Variants in RHBDL2 observed in about 807,000 individuals in gnomAD.
RHBDL2 encodes rhomboid-related protein 2.
RHBDL2 carries 26 observed loss-of-function variants against 31.7 expected under a neutral mutation model. The observed-to-expected ratio is 0.82, with a 90% CI of 0.60 to 1.14. The LOEUF (loss-of-function observed/expected upper bound fraction) is 1.14. Among genes scored for constraint, RHBDL2 ranks in the 50% most tolerant of loss-of-function variants. The pLI, the probability that RHBDL2 is intolerant of heterozygous loss-of-function variation, is 0.00. For synonymous variants in RHBDL2, 123 were observed against 127.2 expected, an observed-to-expected ratio of 0.97 and a Z score of 0.22; for missense variants, 336 against 364.4, an observed-to-expected ratio of 0.92 and a Z score of 0.63.
At chr1:38,913,358 GT>G (rs1643183019) in intron 3 of RHBDL2, among the ~76,000 whole-genome samples, 1 of 152,016 alleles carries the variant, frequency 6.6e-6, no homozygotes, top group Non-Finnish European at 1.5e-5. Flanking sequence ...AAGTCCTTGT[GT>G]GCGGGAGCCA....
chr1:38,889,749 T>C (rs1047496897), intron 6 of RHBDL2, among the ~76,000 whole-genome samples: 3 of 152,232 alleles, frequency 2.0e-5, no homozygotes, highest in Non-Finnish European at 2.9e-5. Flanking sequence ...CTGCCCTATA[T>C]GTGTAGTGCT....
intron 4 of RHBDL2, among the ~76,000 whole-genome samples, chr1:38,908,513 CAA>C (rs35185971): frequency 0.02 from 1,359 of 66,946 alleles, 16 homozygotes; most frequent in African/African-American, 0.065. Context: ...ACTCCGTCTC[CAA>C]AAAAAAAAAA....
intron 1 of RHBDL2, among the ~76,000 whole-genome samples, chr1:38,940,886 C>T (rs1643552926): frequency 6.6e-6 from 1 of 152,060 alleles, no homozygotes. Context: ...GGTAGCAAGA[C>T]CCTGTCTCTT....
At chr1:38,905,756 A>AAG (rs1643056888) in intron 4 of RHBDL2, among the ~76,000 whole-genome samples, 1 of 149,898 alleles carries the variant, frequency 6.7e-6, no homozygotes, top group Non-Finnish European at 1.5e-5. Flanking sequence ...TCAAGAAAAA[A>AAG]AAAAAAAAAA....
rs551988010 is a variant in RHBDL2, at chr1:38,937,953, A to T, written c.-126+3729T>A. Among the ~76,000 whole-genome samples the T allele has an allele frequency of 9.2e-5, 14 of 152,210 alleles. 1 individual carries two copies. In the South Asian group the frequency reaches 2.9e-3, roughly 32 times the overall value. On this transcript the variant is annotated intron_variant, in intron 1 of 7. Transcript: ENST00000372990. ...CAGGCCTGAAAACCTTGGCGTCTTC[A>T]TATCCTAGGCCCCTACACATCAGCC...
intron 1 of RHBDL2, among the ~76,000 whole-genome samples, chr1:38,932,672 C>A (rs1643451136): frequency 6.6e-6 from 1 of 152,144 alleles, no homozygotes; most frequent in African/African-American, 2.4e-5. Flanking sequence ...GTTGCCGAAG[C>A]TGGTCTTGAA....
At chr1:38,914,287 T>C (rs796475573) in intron 3 of RHBDL2, among the ~76,000 whole-genome samples, 1 of 151,972 alleles carries the variant, frequency 6.6e-6, no homozygotes, top group Non-Finnish European at 1.5e-5. Context: ...TGTCACCTAC[T>C]CTAGAATGCA....
chr1:38,938,076 G>A lies in RHBDL2; in HGVS notation c.-126+3606C>T, dbSNP rs550083984. Among the ~76,000 whole-genome samples, 122 of 151,826 alleles carry A rather than the reference G, an allele frequency of 8.0e-4. 1 individual carries two copies. Among genetic ancestry groups the A allele is most frequent in the Admixed American group, 2.4e-3 (37 of 15,232 alleles). Reference sequence around the variant, plus strand: ...TCTGTTGCCCAGGCTGGAGTGCAGCGGCACAATCTTGACTCACTACAACCT... The same window carrying A: ...TCTGTTGCCCAGGCTGGAGTGCAGCAGCACAATCTTGACTCACTACAACCT... On this transcript the variant is annotated intron_variant, in intron 1 of 7. Coordinates refer to ENST00000372990, the MANE Select transcript of RHBDL2 (RefSeq NM_017821.5).
chr1:38,918,189 T>C (rs117902854), intron 2 of RHBDL2, among the ~76,000 whole-genome samples: 1 of 152,296 alleles, frequency 6.6e-6, no homozygotes, highest in East Asian at 1.9e-4. Context: ...ATTGATTCTG[T>C]TTTTCTGAAG....
intron 4 of RHBDL2, among the ~76,000 whole-genome samples, chr1:38,908,592 C>T (rs1050973295): frequency 6.6e-6 from 1 of 151,406 alleles, no homozygotes; most frequent in East Asian, 1.9e-4. Flanking sequence ...GTTCCCTTGT[C>T]CCCCTCGCAG....
intron 4 of RHBDL2, among the ~76,000 whole-genome samples, chr1:38,907,677 C>A (rs1643086384): frequency 6.6e-6 from 1 of 152,174 alleles, no homozygotes; most frequent in Admixed American, 6.6e-5. Flanking sequence ...AGGCTGCAGG[C>A]TGCAGTAAGC....
intron 4 of RHBDL2, among the ~76,000 whole-genome samples, chr1:38,906,340 C>T (rs1643067258): frequency 6.6e-6 from 1 of 151,848 alleles, no homozygotes; most frequent in Non-Finnish European, 1.5e-5. Flanking sequence ...AAACAAAAAC[C>T]CTACTACTAA....
intron 1 of RHBDL2, among the ~76,000 whole-genome samples, chr1:38,938,075 C>G (rs898541336): frequency 6.6e-6 from 1 of 151,604 alleles, no homozygotes; most frequent in Admixed American, 6.6e-5. Context: ...TGGAGTGCAG[C>G]GGCACAATCT....
At chr1:38,910,816 G>A (rs927580183) in intron 4 of RHBDL2, among the ~76,000 whole-genome samples, 5 of 147,804 alleles carry the variant, frequency 3.4e-5, no homozygotes, top group African/African-American at 5.0e-5. Flanking sequence ...CTGTTGCCCA[G>A]GCTAGAGTGT....
chr1:38,929,845 G>T (rs1339896069), intron 1 of RHBDL2, among the ~76,000 whole-genome samples: 3 of 152,236 alleles, frequency 2.0e-5, no homozygotes, highest in Non-Finnish European at 2.9e-5. Flanking sequence ...CAGCCTGAAA[G>T]GATGCTTTTT....
In RHBDL2 at chr1:38,911,303, G is replaced by A. The variant is rs1485107107; in HGVS notation, c.508+19C>T. 6.0e-6 allele frequency: 9 copies of A among 1,509,802 alleles called. No individual in the cohort carries two copies. In the African/African-American group the frequency reaches 1.1e-4, roughly 18 times the overall value. The allele number at this position is 1,509,802 out of a possible 1,614,324, so 93.5% of individuals were successfully genotyped here. A position where few individuals can be genotyped will look rare whatever the true frequency, so the allele number is the denominator to read the frequency against. On this transcript the variant is annotated intron_variant, in intron 4 of 7. Transcript: ENST00000372990. Reference sequence around the variant, plus strand: ...AAGAGCCCAGAGGTATTGATTCTGTGTTACCTCAGAACACTGACCTGCAAT... The same window carrying A: ...AAGAGCCCAGAGGTATTGATTCTGTATTACCTCAGAACACTGACCTGCAAT...
At chr1:38,916,258 A>T (rs1482883446) in intron 2 of RHBDL2, among the ~76,000 whole-genome samples, 1 of 152,196 alleles carries the variant, frequency 6.6e-6, no homozygotes, top group African/African-American at 2.4e-5. Flanking sequence ...CCTCCGTGGT[A>T]TTCTTCTCCC....
rs1643225264 is a variant in RHBDL2 at position 38,915,708 on chromosome 1, C to T, written c.249G>A (p.Leu83=). ...ACACAGCATAGTAAATAAACACTGCCAGCTGATGGAGGGAGCAGACATGAG... is the reference window on the plus strand; with the variant it reads ...ACACAGCATAGTAAATAAACACTGCTAGCTGATGGAGGGAGCAGACATGAG... ...VFIISISLAE[L]AVFIYYAVWK... The change falls in exon 3 of 8, where the codon CTG becomes CTA. Residue 83 remains leucine (L), a splice_region_variant and synonymous_variant. Transcript: ENST00000372990. 1 of 1,613,980 alleles carries T rather than the reference C, an allele frequency of 6.2e-7. No homozygotes were observed. Among genetic ancestry groups the T allele is most frequent in the African/African-American group, 1.3e-5 (1 of 74,904 alleles).
intron 3 of RHBDL2, among the ~76,000 whole-genome samples, chr1:38,914,838 A>G (rs1423439626): frequency 6.6e-6 from 1 of 151,350 alleles, no homozygotes; most frequent in African/African-American, 2.4e-5. Flanking sequence ...AGACTAGCCT[A>G]GCCAACATGG....
Sources: gnomAD v4.1 joint callset for allele counts (sites outside exome capture counted in the v4.1 genomes callset) on GRCh38, gnomAD v4.1.1 for gene constraint, MANE v1.5 for transcripts, NCBI Gene and HGNC (gene_info 2026-07-23, HGNC 2026-07-21) for gene names.